The following THSD4 variants were observed in gnomAD, a reference collection of about 807,000 sequenced individuals.
The protein encoded by THSD4 is thrombospondin type-1 domain-containing protein 4.
Under a neutral mutation model 119.0 loss-of-function variants are expected in THSD4, and 69 were observed. That is an observed-to-expected ratio of 0.58 (90% CI 0.48 to 0.71). The LOEUF (loss-of-function observed/expected upper bound fraction) is 0.71. Ranked by LOEUF, THSD4 falls within the 30% of genes least tolerant of loss-of-function variation. The pLI is 0.00. For synonymous variants in THSD4, 524 were observed against 540.4 expected (o/e 0.97, Z 0.42); for missense variants, 1,393 against 1,391.1 (o/e 1.00, Z -0.02).
At chr15:71,346,961 C>G (rs557246169) in intron 6 of THSD4, among the ~76,000 whole-genome samples, 67 of 149,244 alleles carry the variant, frequency 4.5e-4, no homozygotes, top group Non-Finnish European at 8.3e-4. Context: ...GCAGCCTCCG[C>G]CTCCTGGGTT....
chr15:71,406,866 T>C (rs112395607), intron 6 of THSD4, among the ~76,000 whole-genome samples: 3,409 of 151,986 alleles, frequency 0.022, 146 homozygotes, highest in African/African-American at 0.075. Context: ...TTTTTTTTAA[T>C]AAAGATAGGG....
At chr15:71,321,796 CAACTT>C (rs1204368600) in intron 6 of THSD4, among the ~76,000 whole-genome samples, 2 of 151,844 alleles carry the variant, frequency 1.3e-5, no homozygotes, top group Admixed American at 1.3e-4. Flanking sequence ...ACAGCTGAAA[CAACTT>C]AAGACCTATT....
At chr15:71,728,471 C>T in intron 8 of THSD4, 78 bp from the exon 9 acceptor site, 12 of 1,537,938 alleles carry the variant, frequency 7.8e-6, no homozygotes, top group Non-Finnish European at 9.8e-6. Context: ...ATGAAGAAGC[C>T]AGAAACTGGG....
At chr15:71,501,074 G>T (rs1397222918) in intron 7 of THSD4, among the ~76,000 whole-genome samples, 1 of 152,114 alleles carries the variant, frequency 6.6e-6, no homozygotes, top group Non-Finnish European at 1.5e-5. Context: ...GGGTAGCATG[G>T]ATATTCTAAC....
At chr15:71,408,253 A>ATCTTGC (rs1566972492) in intron 6 of THSD4, among the ~76,000 whole-genome samples, 1 of 152,016 alleles carries the variant, frequency 6.6e-6, no homozygotes, top group East Asian at 1.9e-4. Flanking sequence ...TTGAAATGGG[A>ATCTTGC]TCTTGCTCTT....
intron 3 of THSD4, among the ~76,000 whole-genome samples, chr15:71,194,671 C>A (rs546460414): frequency 6.6e-6 from 1 of 152,322 alleles, no homozygotes; most frequent in South Asian, 2.1e-4. Flanking sequence ...CCAGTCCCAT[C>A]TCCAAAGCAG....
intron 6 of THSD4, among the ~76,000 whole-genome samples, chr15:71,279,321 G>A (rs569232071): frequency 3.3e-5 from 5 of 152,296 alleles, no homozygotes; most frequent in South Asian, 2.1e-4. Flanking sequence ...AGATATTGGC[G>A]GCTTTGCGTG....
chr15:71,153,635 T>G (rs756718634), intron 2 of THSD4, among the ~76,000 whole-genome samples: 2 of 152,178 alleles, frequency 1.3e-5, no homozygotes, highest in African/African-American at 2.4e-5. Context: ...TTTATCTAAC[T>G]CCACAAGACC....
chr15:71,704,091 G>A (rs1033493989), intron 8 of THSD4, among the ~76,000 whole-genome samples: 8 of 151,972 alleles, frequency 5.3e-5, no homozygotes, highest in African/African-American at 9.7e-5. Context: ...CTCGTGATCC[G>A]CCCACCTTGG....
At chr15:71,314,354 C>T (rs899369905) in intron 6 of THSD4, among the ~76,000 whole-genome samples, 4 of 152,062 alleles carry the variant, frequency 2.6e-5, no homozygotes, top group Non-Finnish European at 5.9e-5. Context: ...GTCACCCAGG[C>T]TGGAGTGTAG....
chr15:71,535,722 T>A (rs925836752), intron 7 of THSD4, among the ~76,000 whole-genome samples: 2 of 152,224 alleles, frequency 1.3e-5, no homozygotes, highest in Non-Finnish European at 2.9e-5. Flanking sequence ...TATTGACCAT[T>A]TGTATGTTTT....
At chr15:71,727,569 TATATATATATATATATATACACACACAC>T (rs1238105021) in intron 8 of THSD4, among the ~76,000 whole-genome samples, 16 of 29,876 alleles carry the variant, frequency 5.4e-4, no homozygotes, top group Admixed American at 1.6e-3. Flanking sequence ...TATATATATA[TATATATATATATATATATACACACACAC>T]ACACACACAC....
At chr15:71,339,129 C>T (rs569248449) in intron 6 of THSD4, among the ~76,000 whole-genome samples, 2 of 152,152 alleles carry the variant, frequency 1.3e-5, no homozygotes, top group Non-Finnish European at 2.9e-5. Context: ...TTGTGTTCTG[C>T]CCTTAAGATA....
At chr15:71,125,651 A>C (rs1032419362) in intron 1 of THSD4, among the ~76,000 whole-genome samples, 3 of 152,156 alleles carry the variant, frequency 2.0e-5, no homozygotes, top group African/African-American at 7.2e-5. Flanking sequence ...GGTCCGAAGA[A>C]GGCGCCTCCA....
rs532989463 is a variant in THSD4, at chr15:71,343,980, ATGGGGGTGGGG to A, written c.1016-67695_1016-67685del. Among the ~76,000 whole-genome samples, 119 of 147,420 alleles carry A rather than the reference ATGGGGGTGGGG, an allele frequency of 8.1e-4. 1 individual carries two copies. Among genetic ancestry groups the A allele is most frequent in the Middle Eastern group, 3.5e-3 (1 of 284 alleles). Reference sequence around the variant, plus strand: ...CAGCCCACCTCACCCTCCCAAAGTGATGGGGGTGGGGTGGGGGTGGGGGTTACAGGCGTGAG... The same window carrying A: ...CAGCCCACCTCACCCTCCCAAAGTGATGGGGGTGGGGGTTACAGGCGTGAG... On this transcript the variant is annotated intron_variant, in intron 6 of 17. Coordinates refer to ENST00000261862, the MANE Select transcript of THSD4 (RefSeq NM_024817.3).
chr15:71,663,317 T>G (rs1025550504), intron 8 of THSD4, among the ~76,000 whole-genome samples: 2 of 151,992 alleles, frequency 1.3e-5, no homozygotes, highest in African/African-American at 4.8e-5. Context: ...CAACTTCCTA[T>G]GCCCAAAGAT....
intron 2 of THSD4, among the ~76,000 whole-genome samples, chr15:71,152,657 C>T (rs1017938363): frequency 1.3e-5 from 2 of 152,134 alleles, no homozygotes; most frequent in Non-Finnish European, 2.9e-5. Flanking sequence ...GGAGAGGTAA[C>T]TGGCAAAGAC....
Position 71,771,170 on chromosome 15 carries a change from G to C in THSD4, c.2876G>C (p.Arg959Thr), listed in dbSNP as rs752789893. ...LCDPQLKPEE[R>T]ESCNPQDCVP... ...GACCCTCAGTTGAAACCAGAAGAGA[G>C]AGAATCTTGTAACCCTCAGGACTGT... is the stretch of plus-strand genomic sequence containing the variant. Residue 959 changes from arginine to threonine, a missense_variant, in exon 17 of 18, where the codon AGA (arginine) becomes ACA (threonine). By Grantham distance (71) the Arg-to-Thr change is moderately conservative. Coordinates refer to ENST00000261862, the MANE Select transcript of THSD4 (RefSeq NM_024817.3). 2.5e-6 allele frequency: 4 copies of C among 1,614,066 alleles called. No homozygotes were observed. Among genetic ancestry groups the C allele is most frequent in the South Asian group, 1.1e-5 (1 of 91,084 alleles).
At chr15:71,248,636 G>T (rs1041126666) in intron 5 of THSD4, among the ~76,000 whole-genome samples, 13 of 152,266 alleles carry the variant, frequency 8.5e-5, no homozygotes, top group African/African-American at 3.1e-4. Context: ...TGACTCTCCA[G>T]TGAATTTCCC....
Sources: gnomAD v4.1 joint callset for allele counts (sites outside exome capture counted in the v4.1 genomes callset) on GRCh38, gnomAD v4.1.1 for gene constraint, MANE v1.5 for transcripts, NCBI Gene and HGNC (gene_info 2026-07-23, HGNC 2026-07-21) for gene names.